The following ZNF282 variants were observed in gnomAD, a reference collection of about 807,000 sequenced individuals.
ZNF282 encodes the protein HTLV-I U5 repressive element-binding protein 1.
In ZNF282, 30 loss-of-function variants were observed where a neutral mutation model predicts 61.9. The observed-to-expected ratio is 0.48, with a 90% CI of 0.36 to 0.66. The LOEUF is 0.66. Ranked by LOEUF, ZNF282 falls within the 30% of genes least tolerant of loss-of-function variation. The pLI is 0.00. For synonymous variants in ZNF282, 396 were observed against 405.0 expected, an observed-to-expected ratio of 0.98 and a Z score of 0.27; for missense variants, 788 against 941.4, an observed-to-expected ratio of 0.84 and a Z score of 2.13.
At position 149,198,278 on chromosome 7, in the gene ZNF282, C is replaced by T; in HGVS notation, c.166-55C>T. ...GTTGACCCCTGTTCCCAGCTGACTT[C>T]CCCGGCTCACACAAGGTCTCATCCT... On this transcript the variant is annotated intron_variant, in intron 1 of 7. Transcript: ENST00000610704. The surrounding 1 kb of genome is among the most constrained non-coding windows in gnomAD (Gnocchi z 4.3). 1 of 1,535,210 alleles carries T rather than the reference C, an allele frequency of 6.5e-7. No individual in the cohort carries two copies. Among genetic ancestry groups the T allele is most frequent in the East Asian group, 2.3e-5 (1 of 44,166 alleles).
chr7:149,195,556 C>G lies in ZNF282; in HGVS notation c.-34C>G. On this transcript the variant is annotated 5_prime_UTR_variant, in exon 1 of 8. Coordinates refer to ENST00000610704, the MANE Select transcript of ZNF282 (RefSeq NM_003575.4). ...CGCCTGGAAAACGTTCTTCTTCTCC[C>G]TGGCCGACCCGAGCGGGGAACAGCA... The G allele has an allele frequency of 6.2e-7, 1 of 1,604,034 alleles. No individual in the cohort carries two copies. The highest frequency in any genetic ancestry group is 8.5e-7 in the Non-Finnish European group (1 of 1,176,346).
chr7:149,215,769 G>A (rs185054440), intron 7 of ZNF282, among the ~76,000 whole-genome samples: 86 of 152,330 alleles, frequency 5.6e-4, no homozygotes, highest in African/African-American at 2.0e-3. Flanking sequence ...AACTGGTGGT[G>A]AGCACCGGAA....
At chr7:149,196,003 G>A (rs1293981743) in intron 1 of ZNF282, among the ~76,000 whole-genome samples, 2 of 151,190 alleles carry the variant, frequency 1.3e-5, no homozygotes, top group African/African-American at 4.8e-5. Flanking sequence ...GGGCCCAAGT[G>A]CGGAGGCCCC....
At chr7:149,207,534 C>A (rs1430682212) in intron 4 of ZNF282, 64 bp downstream of exon 4, 18 of 1,542,124 alleles carry the variant, frequency 1.2e-5, no homozygotes, top group Non-Finnish European at 1.6e-5. Context: ...CGGCTTTCCG[C>A]ACACTGCTGC....
intron 2 of ZNF282, among the ~76,000 whole-genome samples, chr7:149,200,817 G>A (rs898296617): frequency 6.6e-6 from 1 of 152,042 alleles, no homozygotes; most frequent in East Asian, 1.9e-4. Context: ...GGCTGGTCTC[G>A]AACTCCTGAC....
Position 149,198,821 on chromosome 7 carries a change from A to C in ZNF282, c.585+69A>C. 2 of 1,518,160 alleles carry C rather than the reference A, an allele frequency of 1.3e-6. No individual in the cohort carries two copies. Among genetic ancestry groups the C allele is most frequent in the Non-Finnish European group, 8.8e-7 (1 of 1,137,340 alleles). The allele number at this position is 1,518,160 out of a possible 1,614,324, so 94.0% of individuals were successfully genotyped here. A position where few individuals can be genotyped will look rare whatever the true frequency, so the allele number is the denominator to read the frequency against. ...ACAGGTGCATAAAATTCTTGATTTC[A>C]TTTTGTCAGCCCTTCTCATAAACTT... On this transcript the variant is annotated intron_variant, in intron 2 of 7. Coordinates refer to ENST00000610704, the MANE Select transcript of ZNF282 (RefSeq NM_003575.4). This position sits in a 1 kb window ranked among gnomAD's most constrained non-coding sequence, Gnocchi z 4.3.
At chr7:149,213,458 G>A (rs917391875) in intron 6 of ZNF282, among the ~76,000 whole-genome samples, 3 of 152,088 alleles carry the variant, frequency 2.0e-5, no homozygotes, top group Admixed American at 1.3e-4. Flanking sequence ...TTTTAATCCC[G>A]GCCCTGCCAC....
At chr7:149,215,693 A>G (rs1047749468) in intron 7 of ZNF282, among the ~76,000 whole-genome samples, 3 of 152,194 alleles carry the variant, frequency 2.0e-5, no homozygotes, top group Admixed American at 6.5e-5. Context: ...CCTTATTTCA[A>G]GTAGAATTGA....
In ZNF282 at chr7:149,224,064, A is replaced by ATGGGGGCGG. The variant is rs1370712896; in HGVS notation, c.1443_1451dup (p.Gly483_Gly485dup). 1.9e-5 allele frequency: 18 copies of ATGGGGGCGG among 942,468 alleles called. No individual in the cohort carries two copies. The East Asian group carries it at 2.1e-4, about 11-fold the overall frequency. 58.4% of individuals were successfully genotyped at this position (942,468 alleles called of 1,614,324 possible). A position where few individuals can be genotyped will look rare whatever the true frequency, so the allele number is the denominator to read the frequency against. On this transcript the variant is annotated inframe_insertion, in exon 8 of 8. Coordinates refer to ENST00000610704, the MANE Select transcript of ZNF282 (RefSeq NM_003575.4). ...CGCAGCACCGGGGGCGGCGGGGGCGATGGGGGCGGTGGGGGCGGCGGCGCG... is the reference window on the plus strand; with the variant it reads ...CGCAGCACCGGGGGCGGCGGGGGCGATGGGGGCGGTGGGGGCGGTGGGGGCGGCGGCGCG...
At position 149,198,820 on chromosome 7, in the gene ZNF282, C is replaced by T. The variant is rs1017290661; in HGVS notation, c.585+68C>T. 6.6e-7 allele frequency: 1 copy of T among 1,519,310 alleles called. No individual in the cohort carries two copies. Among genetic ancestry groups the T allele is most frequent in the Non-Finnish European group, 8.8e-7 (1 of 1,137,926 alleles). 94.1% of individuals were successfully genotyped at this position (1,519,310 alleles called of 1,614,324 possible). On this transcript the variant is annotated intron_variant, in intron 2 of 7. Transcript: ENST00000610704. The surrounding 1 kb of genome is among the most constrained non-coding windows in gnomAD (Gnocchi z 4.3). Reference sequence around the variant, plus strand: ...CACAGGTGCATAAAATTCTTGATTTCATTTTGTCAGCCCTTCTCATAAACT... The same window carrying T: ...CACAGGTGCATAAAATTCTTGATTTTATTTTGTCAGCCCTTCTCATAAACT...
At chr7:149,211,296 T>G (rs781054970) in intron 5 of ZNF282, among the ~76,000 whole-genome samples, 1 of 152,194 alleles carries the variant, frequency 6.6e-6, no homozygotes, top group African/African-American at 2.4e-5. Flanking sequence ...TTATTTTATT[T>G]TAAGGAATTG....
intron 2 of ZNF282, 66 bp from the exon 3 acceptor site, chr7:149,206,630 C>T (rs1175679467): frequency 6.2e-7 from 1 of 1,605,112 alleles, no homozygotes; most frequent in African/African-American, 1.3e-5. Context: ...TTGTGGCCCG[C>T]AGGAGAAGGG....
chr7:149,207,221 C>T, intron 3 of ZNF282, 130 bp from the exon 4 acceptor site: 1 of 1,203,776 alleles, frequency 8.3e-7, no homozygotes. Context: ...GCCTAACTCG[C>T]ATAACTGCTG....
chr7:149,217,099 C>T (rs957520502), intron 7 of ZNF282, among the ~76,000 whole-genome samples: 3 of 152,188 alleles, frequency 2.0e-5, no homozygotes, highest in African/African-American at 4.8e-5. Context: ...CAGAATATGA[C>T]GTGAAAGCAC....
chr7:149,207,795 A>G (rs1796020476), intron 4 of ZNF282, among the ~76,000 whole-genome samples: 1 of 152,230 alleles, frequency 6.6e-6, no homozygotes, highest in Non-Finnish European at 1.5e-5. Flanking sequence ...AGAGGCTGAC[A>G]GAGGAGGGAA....
At chr7:149,222,243 C>G (rs1055473967) in intron 7 of ZNF282, among the ~76,000 whole-genome samples, 1 of 152,172 alleles carries the variant, frequency 6.6e-6, no homozygotes, top group Non-Finnish European at 1.5e-5. Flanking sequence ...GCCACTGCCA[C>G]GAGTGCAAGG....
In ZNF282 at chr7:149,220,580, G is replaced by A. The variant is rs1479921410; in HGVS notation, c.1181-3232G>A. ...TCGGTGTGGCTTCATCCCCAGGCTG[G>A]TAGCACAGCAGCTGCAGCTGTCCCA... On this transcript the variant is annotated intron_variant, in intron 7 of 7. Coordinates refer to ENST00000610704, the MANE Select transcript of ZNF282 (RefSeq NM_003575.4). Among the ~76,000 whole-genome samples, 5 of 152,106 alleles carry A rather than the reference G, an allele frequency of 3.3e-5. No homozygotes were observed. The South Asian group carries it at 8.3e-4, about 25-fold the overall frequency.
At chr7:149,217,415 C>T (rs1450997359) in intron 7 of ZNF282, among the ~76,000 whole-genome samples, 1 of 152,092 alleles carries the variant, frequency 6.6e-6, no homozygotes. Flanking sequence ...CAAAAAACAA[C>T]TAGCCAGGAG....
Position 149,217,483 on chromosome 7 carries a change from G to A in ZNF282, c.1180+3669G>A, listed in dbSNP as rs191145876. Among the ~76,000 whole-genome samples, 835 of 152,288 alleles carry A rather than the reference G, an allele frequency of 5.5e-3. 8 individuals carry two copies. Among genetic ancestry groups the A allele is most frequent in the Non-Finnish European group, 6.7e-3 (459 of 68,022 alleles). ...GGAGGCTAAGGCAGGAGAATTGCTT[G>A]AATCCGGGAGGCGGAGGTTGCAGTG... On this transcript the variant is annotated intron_variant, in intron 7 of 7. Coordinates refer to ENST00000610704, the MANE Select transcript of ZNF282 (RefSeq NM_003575.4).
Sources: allele counts gnomAD v4.1 joint callset (sites outside exome capture counted in the v4.1 genomes callset), GRCh38; gene constraint gnomAD v4.1.1; non-coding constraint Gnocchi (gnomAD v3.1); transcripts MANE v1.5; gene names NCBI Gene and HGNC (gene_info 2026-07-23, HGNC 2026-07-21).